The following CEP83 variants were observed in gnomAD, a reference collection of about 807,000 sequenced individuals.
CEP83 encodes the protein centrosomal protein 83, also known as centrosomal protein of 83 kDa.
CEP83 carries 70 observed loss-of-function variants against 101.9 expected under a neutral mutation model. The observed-to-expected ratio is 0.69, with a 90% CI of 0.57 to 0.84. The LOEUF (loss-of-function observed/expected upper bound fraction) is 0.84, where lower values mean the gene tolerates loss of function less well. CEP83 is among the 40% of genes least tolerant of loss of function. The pLI is 0.00. For missense variants in CEP83, 715 were observed against 787.2 expected, an observed-to-expected ratio of 0.91 and a Z score of 1.10; for synonymous variants, 264 against 267.9, an observed-to-expected ratio of 0.99 and a Z score of 0.14.
chr12:94,387,053 C>T (rs951026940), intron 6 of CEP83, among the ~76,000 whole-genome samples: 2 of 152,148 alleles, frequency 1.3e-5, no homozygotes, highest in African/African-American at 2.4e-5. Flanking sequence ...ACTGGCTAGC[C>T]ATATGCAAAG....
At chr12:94,271,857 G>T in the CEP83 span, among the ~76,000 whole-genome samples, 1 of 152,164 alleles carries the variant, frequency 6.6e-6, no homozygotes, top group Non-Finnish European at 1.5e-5. Flanking sequence ...TGATGATGTG[G>T]GATGTGGGGG....
chr12:94,400,898 T>G lies in CEP83; in HGVS notation c.501A>C (p.Glu167Asp), dbSNP rs758692686. ...FLKSEFEHQK[E>D]EYARILDEGK... ...CTTCATCTAAAATACGTGCATACTC[T>G]TCCTTCTGGTGTTCAAATTCTGACT... The change falls in exon 6 of 17, where the codon GAA (glutamate) becomes GAC (aspartate). Residue 167 changes from glutamate to aspartate, a missense_variant. By Grantham distance (45) the Glu-to-Asp change is conservative (BLOSUM62 2). Coordinates refer to ENST00000397809, the MANE Select transcript of CEP83 (RefSeq NM_016122.3). The G allele has an allele frequency of 5.9e-6, 9 of 1,514,456 alleles. No homozygotes were observed. The highest frequency in any genetic ancestry group is 7.1e-6 in the Non-Finnish European group (8 of 1,128,040). 93.8% of individuals were successfully genotyped at this position (1,514,456 alleles called of 1,614,324 possible). A position where few individuals can be genotyped will look rare whatever the true frequency, so the allele number is the denominator to read the frequency against.
intron 14 of CEP83, among the ~76,000 whole-genome samples, chr12:94,321,389 G>A (rs1565905947): frequency 6.6e-6 from 1 of 152,144 alleles, no homozygotes; most frequent in African/African-American, 2.4e-5. Context: ...AACTCAGCCT[G>A]GTTAAGAACC....
chr12:94,329,423 T>A (rs1167663566), intron 14 of CEP83, among the ~76,000 whole-genome samples: 1 of 152,134 alleles, frequency 6.6e-6, no homozygotes, highest in Non-Finnish European at 1.5e-5. Context: ...TGTGCCACCA[T>A]GCACAGTTTT....
intron 14 of CEP83, among the ~76,000 whole-genome samples, chr12:94,315,755 T>C (rs941674334): frequency 1.3e-5 from 2 of 152,070 alleles, no homozygotes; most frequent in African/African-American, 4.8e-5. Flanking sequence ...GTTGTGAGGT[T>C]AGGCTGAGTT....
chr12:94,393,044 G>GTT (rs2062657233), intron 6 of CEP83, among the ~76,000 whole-genome samples: 4 of 152,096 alleles, frequency 2.6e-5, no homozygotes, highest in African/African-American at 9.7e-5. Flanking sequence ...TTCTACCAGA[G>GTT]GTACAAAGAG....
intron 7 of CEP83, among the ~76,000 whole-genome samples, chr12:94,376,690 T>TATATACACAC (rs1555235995): frequency 7.7e-5 from 9 of 117,388 alleles, no homozygotes; most frequent in African/African-American, 2.4e-4. Context: ...TATACATATA[T>TATATACACAC]ACACACACAC....
intron 1 of CEP83, among the ~76,000 whole-genome samples, chr12:94,436,287 G>C (rs951041400): frequency 4.0e-5 from 6 of 151,642 alleles, no homozygotes; most frequent in African/African-American, 1.5e-4. Flanking sequence ...AGCTACTCAA[G>C]GGGGCACTAG....
intron 1 of CEP83, among the ~76,000 whole-genome samples, chr12:94,451,850 A>G (rs2067275378): frequency 6.6e-6 from 1 of 152,174 alleles, no homozygotes; most frequent in African/African-American, 2.4e-5. Flanking sequence ...TTACAGACAA[A>G]TCTTCATAGC....
chr12:94,338,875 C>T (rs1169743835), intron 11 of CEP83, among the ~76,000 whole-genome samples: 2 of 151,848 alleles, frequency 1.3e-5, no homozygotes, highest in Non-Finnish European at 2.9e-5. Context: ...TTCAAGTTCC[C>T]TTCAAAGTAT....
At chr12:94,431,588 T>A (rs557065013) in intron 2 of CEP83, among the ~76,000 whole-genome samples, 93 of 149,264 alleles carry the variant, frequency 6.2e-4, no homozygotes, top group African/African-American at 2.2e-3. Context: ...AAATCAAAAC[T>A]TAACGGTAAA....
chr12:94,301,640 C>T (rs1461887538), downstream of CEP83, among the ~76,000 whole-genome samples: 3 of 152,194 alleles, frequency 2.0e-5, no homozygotes. Flanking sequence ...ATATACTAAA[C>T]TGAGCAATAT....
downstream of CEP83, among the ~76,000 whole-genome samples, chr12:94,302,021 G>A (rs946284980): frequency 1.3e-5 from 2 of 152,084 alleles, no homozygotes; most frequent in African/African-American, 4.8e-5. Flanking sequence ...CCTAATTGGT[G>A]TCCTTGCCCC....
intron 14 of CEP83, 23 bp downstream of exon 14, chr12:94,331,677 T>A: frequency 6.2e-7 from 1 of 1,611,474 alleles, no homozygotes; most frequent in Non-Finnish European, 8.5e-7. Flanking sequence ...TGGCCAGAGA[T>A]CACTTTAATA....
chr12:94,301,853 C>A (rs1240927317), downstream of CEP83, among the ~76,000 whole-genome samples: 1 of 152,152 alleles, frequency 6.6e-6, no homozygotes, highest in Non-Finnish European at 1.5e-5. Flanking sequence ...AAGGTAGAAT[C>A]CTCAACGTTA....
chr12:94,322,676 G>C (rs967355418), intron 14 of CEP83, among the ~76,000 whole-genome samples: 4 of 152,176 alleles, frequency 2.6e-5, no homozygotes, highest in Admixed American at 1.3e-4. Context: ...TGAGATCCAG[G>C]AGCCACATGA....
At chr12:94,401,106 T>C (rs953644748) in intron 5 of CEP83, 125 bp from the exon 6 acceptor site, 7 of 453,030 alleles carry the variant, frequency 1.5e-5, no homozygotes, top group African/African-American at 6.1e-5. Flanking sequence ...AAAAAATAAA[T>C]TTAACAGAAA....
chr12:94,398,709 A>AC (rs2063058806), intron 6 of CEP83, among the ~76,000 whole-genome samples: 1 of 152,158 alleles, frequency 6.6e-6, no homozygotes, highest in South Asian at 2.1e-4. Flanking sequence ...ATAGAGCCAT[A>AC]TTTTTCTTCT....
chr12:94,390,495 T>A (rs1458231898), intron 6 of CEP83, among the ~76,000 whole-genome samples: 1 of 151,920 alleles, frequency 6.6e-6, no homozygotes, highest in Non-Finnish European at 1.5e-5. Context: ...AGACCAAAGG[T>A]AGATAAAACC....
Sources: allele counts gnomAD v4.1 joint callset (sites outside exome capture counted in the v4.1 genomes callset), GRCh38; gene constraint gnomAD v4.1.1; transcripts MANE v1.5; gene names NCBI Gene and HGNC (gene_info 2026-07-23, HGNC 2026-07-21).